Variants in SIRT2 observed in about 807,000 individuals in gnomAD.
The protein encoded by SIRT2 is sirtuin 2.
SIRT2 carries 40 observed loss-of-function variants against 57.4 expected under a neutral mutation model. That is an observed-to-expected ratio of 0.70 (90% confidence interval 0.54 to 0.91). SIRT2 has a LOEUF of 0.91. Among genes scored for constraint, SIRT2 ranks in the 40% least tolerant of loss-of-function variants. The pLI, the probability that SIRT2 is intolerant of heterozygous loss-of-function variation, is 0.00. For missense variants in SIRT2, 439 were observed against 510.4 expected, an observed-to-expected ratio of 0.86 and a Z score of 1.35; for synonymous variants, 161 against 195.7, an observed-to-expected ratio of 0.82 and a Z score of 1.48.
Position 38,883,613 on chromosome 19 carries a change from C to T in SIRT2, c.631+14G>A, listed in dbSNP as rs749144649. ...TGAGAGGAGGCCTGCCCTCAGGATG[C>T]CCTCCAGCCTCACCTTTCATCCAGC... On this transcript the variant is annotated intron_variant, in intron 9 of 15. Transcript: ENST00000249396. 2.5e-6 allele frequency: 4 copies of T among 1,610,262 alleles called. No homozygotes were observed. Among genetic ancestry groups the T allele is most frequent in the South Asian group, 1.1e-5 (1 of 90,982 alleles).
intron 10 of SIRT2, 89 bp from the exon 11 acceptor site, chr19:38,881,244 G>A: frequency 7.3e-7 from 1 of 1,373,044 alleles, no homozygotes; most frequent in Non-Finnish European, 1.0e-6. Context: ...GGAGGCCACA[G>A]TGGGAGTTGG....
chr19:38,898,341 C>A lies in SIRT2; in HGVS notation c.63+38G>T, dbSNP rs199638442. On this transcript the variant is annotated intron_variant, in intron 2 of 15. Coordinates refer to ENST00000249396, the MANE Select transcript of SIRT2 (RefSeq NM_012237.4). ...CCCAGTGTGGGATGTGGAACAAGTC[C>A]GTCTCTCTCCTCCCCTCCACCCTTT... 2.5e-5 allele frequency: 35 copies of A among 1,408,624 alleles called. No homozygotes were observed. The African/African-American group carries it at 4.7e-4, about 19-fold the overall frequency. The allele number at this position is 1,408,624 out of a possible 1,614,324, so 87.3% of individuals were successfully genotyped here. A position where few individuals can be genotyped will look rare whatever the true frequency, so the allele number is the denominator to read the frequency against.
In SIRT2 at chr19:38,881,160, G is replaced by A. The variant is rs374525294; in HGVS notation, c.692-5C>T. ...TCTCACCAAAAAAGACGATATCTGA[G>A]GTGGAGACAGATGGACGGACAGAGA... On this transcript the variant is annotated splice_region_variant and splice_polypyrimidine_tract_variant and intron_variant, in intron 10 of 15. Coordinates refer to ENST00000249396, the MANE Select transcript of SIRT2 (RefSeq NM_012237.4). 7.0e-5 allele frequency: 113 copies of A among 1,612,316 alleles called. No individual in the cohort carries two copies. In the African/African-American group the frequency reaches 1.3e-3, roughly 18 times the overall value.
chr19:38,890,262 A>C, intron 4 of SIRT2, 118 bp from the exon 5 acceptor site: 181 of 957,796 alleles, frequency 1.9e-4, no homozygotes, highest in Non-Finnish European at 2.6e-4. Context: ...CAAGCATCTC[A>C]GATGCATGAC....
rs113989943 is a variant in SIRT2 at position 38,881,076 on chromosome 19, C to T, written c.747+24G>A. 7,425 of 1,610,034 alleles carry T rather than the reference C, an allele frequency of 4.6e-3. 272 individuals are homozygous for T. The African/African-American group carries it at 0.085, about 18-fold the overall frequency. ...CAGGTGGAGGCGGCGGTTGGGGATG[C>T]GGGGAGGCTGGGGGGCCACTTACTG... On this transcript the variant is annotated intron_variant, in intron 11 of 15. Coordinates refer to ENST00000249396, the MANE Select transcript of SIRT2 (RefSeq NM_012237.4).
At position 38,899,571 on chromosome 19, in the gene SIRT2, C is replaced by T. The variant is rs1973863976; in HGVS notation, c.-50G>A. ...GCTGTCACCGACCGCTCTGTCCCGT[C>T]ACCAACCACTGTGTCCCGTCACCGA... is the stretch of plus-strand genomic sequence containing the variant. On this transcript the variant is annotated 5_prime_UTR_variant, in exon 1 of 16. Coordinates refer to ENST00000249396, the MANE Select transcript of SIRT2 (RefSeq NM_012237.4). 1 of 1,613,070 alleles carries T rather than the reference C, an allele frequency of 6.2e-7. No homozygotes were observed. The highest frequency in any genetic ancestry group is 1.3e-5 in the African/African-American group (1 of 74,914).
intron 15 of SIRT2, 29 bp from the exon 16 acceptor site, chr19:38,879,339 A>G: frequency 1.2e-6 from 2 of 1,612,542 alleles, no homozygotes; most frequent in Non-Finnish European, 1.7e-6. Context: ...CAGAAGTCAA[A>G]GGTCACTGTG....
At chr19:38,892,567 A>C (rs1357848832) in intron 4 of SIRT2, among the ~76,000 whole-genome samples, 1 of 151,980 alleles carries the variant, frequency 6.6e-6, no homozygotes, top group African/African-American at 2.4e-5. Flanking sequence ...TTATCTTTTA[A>C]ATTTTATTAC....
Position 38,898,579 on chromosome 19 carries a change from C to T in SIRT2, c.17-154G>A, listed in dbSNP as rs373381201. The T allele has an allele frequency of 4.8e-5, 20 of 413,990 alleles. No homozygotes were observed. The South Asian group carries it at 5.6e-4, about 12-fold the overall frequency. The allele number at this position is 413,990 out of a possible 1,614,324, so 25.6% of individuals were successfully genotyped here. Reference sequence around the variant, plus strand: ...AAATGGAGCAGAGGGAGGGAGGGGACGGAGAAAAGATCTTATCTACATGCA... The same window carrying T: ...AAATGGAGCAGAGGGAGGGAGGGGATGGAGAAAAGATCTTATCTACATGCA... On this transcript the variant is annotated intron_variant, in intron 1 of 15. Coordinates refer to ENST00000249396, the MANE Select transcript of SIRT2 (RefSeq NM_012237.4).
In SIRT2 at chr19:38,899,486, T is replaced by G. The variant is rs780920695; in HGVS notation, c.16+20A>C. The G allele has an allele frequency of 1.9e-6, 3 of 1,613,024 alleles. No individual in the cohort carries two copies. The South Asian group carries it at 3.3e-5, about 18-fold the overall frequency. ...AGGCCCCGGCGCGGCCCGACCCTCC[T>G]ACCCGGATCCCCGACTCACGGTCTG... On this transcript the variant is annotated intron_variant, in intron 1 of 15. Coordinates refer to ENST00000249396, the MANE Select transcript of SIRT2 (RefSeq NM_012237.4).
At chr19:38,879,827 T>G (rs1318479771) in intron 13 of SIRT2, 125 bp from the exon 14 acceptor site, 2 of 677,172 alleles carry the variant, frequency 3.0e-6, no homozygotes, top group Non-Finnish European at 5.0e-6. Context: ...TTGTTGTTGT[T>G]TTTTTGGTTT....
In SIRT2 at chr19:38,879,348, T is replaced by C. The variant is rs971123634; in HGVS notation, c.1015-38A>G. 5.6e-6 allele frequency: 9 copies of C among 1,611,412 alleles called. No individual in the cohort carries two copies. In the African/African-American group the frequency reaches 8.0e-5, roughly 14 times the overall value. On this transcript the variant is annotated intron_variant, in intron 15 of 15. Transcript: ENST00000249396. Reference sequence around the variant, plus strand: ...AGGTCACAGAAGTCAAAGGTCACTGTGCATCATGGGGTCAGAGGACCCATG... The same window carrying C: ...AGGTCACAGAAGTCAAAGGTCACTGCGCATCATGGGGTCAGAGGACCCATG...
chr19:38,886,623 T>A (rs865953677), intron 8 of SIRT2, among the ~76,000 whole-genome samples: 3 of 147,658 alleles, frequency 2.0e-5, no homozygotes, highest in African/African-American at 7.5e-5. Flanking sequence ...CTGGCTAATT[T>A]TTTTTTTTTT....
intron 4 of SIRT2, among the ~76,000 whole-genome samples, chr19:38,891,601 C>T (rs1040325106): frequency 2.0e-5 from 3 of 151,980 alleles, no homozygotes; most frequent in Non-Finnish European, 4.4e-5. Flanking sequence ...GTTGGAGCCT[C>T]ACCTTTAAAT....
In SIRT2 at chr19:38,881,243, A is replaced by G. The variant is rs10402619; in HGVS notation, c.692-88T>C. The G allele has an allele frequency of 0.021, 28,365 of 1,381,470 alleles. 3,351 individuals are homozygous for G. The African/African-American group carries it at 0.3, about 15-fold the overall frequency. The allele number at this position is 1,381,470 out of a possible 1,614,324, so 85.6% of individuals were successfully genotyped here. A position where few individuals can be genotyped will look rare whatever the true frequency, so the allele number is the denominator to read the frequency against. ...GAGCAATGGCAGACCCGGAGGCCAC[A>G]GTGGGAGTTGGGAGCAGTGGGGACC... On this transcript the variant is annotated intron_variant, in intron 10 of 15. Transcript: ENST00000249396.
rs779389904 is a variant in SIRT2, at chr19:38,881,420, C to A, written c.691+12G>T. On this transcript the variant is annotated intron_variant, in intron 10 of 15. Coordinates refer to ENST00000249396, the MANE Select transcript of SIRT2 (RefSeq NM_012237.4). ...CAAATCCACCTGGGCAGGTCCCTGGCCAGAGGCTCACCAGGCTTCACCAGG... is the reference window on the plus strand; with the variant it reads ...CAAATCCACCTGGGCAGGTCCCTGGACAGAGGCTCACCAGGCTTCACCAGG... The A allele has an allele frequency of 1.4e-5, 23 of 1,613,728 alleles. 2 individuals are homozygous for A. The South Asian group carries it at 2.5e-4, about 18-fold the overall frequency.
intron 13 of SIRT2, 131 bp from the exon 14 acceptor site, chr19:38,879,833 G>A: frequency 1.5e-6 from 1 of 682,912 alleles, no homozygotes; most frequent in Non-Finnish European, 2.5e-6. Context: ...TTGTTTTTTT[G>A]GTTTTTTTTG....
intron 2 of SIRT2, chr19:38,894,082 C>T (rs1454470411): frequency 1.1e-6 from 1 of 909,910 alleles, no homozygotes; most frequent in Non-Finnish European, 1.6e-6. Context: ...AGCAAGACCT[C>T]ATGTGAGTGG....
At position 38,889,684 on chromosome 19, in the gene SIRT2, C is replaced by T. The variant is rs1244248670; in HGVS notation, c.432+5G>A. The T allele has an allele frequency of 7.4e-6, 12 of 1,613,986 alleles. No individual in the cohort carries two copies. Among genetic ancestry groups the T allele is most frequent in the Non-Finnish European group, 1.0e-5 (12 of 1,180,016 alleles). On this transcript the variant is annotated splice_donor_5th_base_variant and intron_variant, in intron 7 of 15. Coordinates refer to ENST00000249396, the MANE Select transcript of SIRT2 (RefSeq NM_012237.4). Reference sequence around the variant, plus strand: ...GTTTCGCCCCCTGCAAAACAAAGATCTCACCTTGAACTGCCCAGGATAGAG... The same window carrying T: ...GTTTCGCCCCCTGCAAAACAAAGATTTCACCTTGAACTGCCCAGGATAGAG...
Sources: gnomAD v4.1 joint callset for allele counts (sites outside exome capture counted in the v4.1 genomes callset) on GRCh38, gnomAD v4.1.1 for gene constraint, MANE v1.5 for transcripts, NCBI Gene and HGNC (gene_info 2026-07-23, HGNC 2026-07-21) for gene names.